MAP1B: variants seen among roughly 807,000 people sequenced by gnomAD.
MAP1B encodes microtubule associated protein 1B.
A neutral mutation model predicts 176.1 loss-of-function variants in MAP1B; 12 were observed. The ratio of observed to expected loss-of-function variants is 0.07; its 90% CI spans 0.04 to 0.11. MAP1B has a LOEUF of 0.11. Among genes scored for constraint, MAP1B ranks in the 10% least tolerant of loss-of-function variants. The probability of loss-of-function intolerance (pLI) is 1.00; values close to 1 mark genes in which losing one functional copy is unlikely to be tolerated. For synonymous variants in MAP1B, 1,044 were observed against 1,135.0 expected (o/e 0.92, Z 1.61); for missense variants, 2,523 against 2,990.5 (o/e 0.84, Z 3.65).
chr5:72,195,804 A>G lies in MAP1B; in HGVS notation c.2449A>G (p.Ile817Val). The G allele has an allele frequency of 6.2e-7, 1 of 1,614,254 alleles. No individual in the cohort carries two copies. The highest frequency in any genetic ancestry group is 8.5e-7 in the Non-Finnish European group (1 of 1,180,042). ...AVMAAAGIAA[I>V]GPAKELEAER... ...CATGGCGGCAGCTGGAATAGCAGCCATTGGCCCTGCCAAAGAACTCGAAGC... is the reference window on the plus strand; with the variant it reads ...CATGGCGGCAGCTGGAATAGCAGCCGTTGGCCCTGCCAAAGAACTCGAAGC... The change falls in exon 5 of 7, where the codon ATT becomes GTT. Residue 817 changes from isoleucine to valine, a missense_variant. Ile to Val is a conservative substitution (Grantham distance 29). Around this residue, in one of 4 missense-constraint regions of MAP1B, gnomAD observed 1,925 missense variants for 2,126.0 expected, o/e 0.91. Transcript: ENST00000296755.
intron 3 of MAP1B, among the ~76,000 whole-genome samples, 171 bp downstream of exon 3, chr5:72,183,996 A>T (rs1442751108): frequency 6.6e-6 from 1 of 152,204 alleles, no homozygotes; most frequent in East Asian, 1.9e-4. Context: ...CTGCATCGGT[A>T]CCATCCAGAC....
At chr5:72,164,196 G>T (rs1746385384) in intron 2 of MAP1B, among the ~76,000 whole-genome samples, 1 of 151,996 alleles carries the variant, frequency 6.6e-6, no homozygotes, top group African/African-American at 2.4e-5. Flanking sequence ...CTCTCAAACT[G>T]CTGGGATTAC....
At chr5:72,129,260 A>T (rs1034180343) in intron 2 of MAP1B, among the ~76,000 whole-genome samples, 9 of 152,204 alleles carry the variant, frequency 5.9e-5, no homozygotes, top group African/African-American at 2.2e-4. Context: ...GCATTAGAAG[A>T]TCCAAGTAAA....
intron 2 of MAP1B, among the ~76,000 whole-genome samples, chr5:72,119,466 A>C (rs1363928233): frequency 6.6e-6 from 1 of 152,248 alleles, no homozygotes; most frequent in Non-Finnish European, 1.5e-5. Context: ...AGGAAAGTTC[A>C]GTAGTTGAGT....
Position 72,197,077 on chromosome 5 carries a change from A to G in MAP1B, c.3722A>G (p.Asp1241Gly). 6.2e-7 allele frequency: 1 copy of G among 1,614,236 alleles called. No homozygotes were observed. The highest frequency in any genetic ancestry group is 8.5e-7 in the Non-Finnish European group (1 of 1,180,046). The change falls in exon 5 of 7, where the codon GAT (aspartate) becomes GGT (glycine). Residue 1241 changes from aspartate to glycine, a missense_variant. This residue lies in a region of MAP1B where 1,925 missense variants were observed against 2,126.0 expected (regional missense o/e 0.91). Transcript: ENST00000296755. ...GCCAGCACCACTTTGGACATCAAAG[A>G]TAGCATCTCAGCTGTTTCAAGTGAA... ...VKASTTLDIK[D>G]SISAVSSEKV... is the part of the protein sequence containing the mutation.
At chr5:72,108,298 C>G (rs986362074) in intron 1 of MAP1B, among the ~76,000 whole-genome samples, 4 of 152,238 alleles carry the variant, frequency 2.6e-5, no homozygotes, top group African/African-American at 7.2e-5. Context: ...CCGCCCCCCC[C>G]TCCCCGGGGA....
rs1197860031 is a variant in MAP1B, at chr5:72,209,483, A to G, written c.*4244A>G. 9.9e-5 allele frequency: 15 copies of G among 152,164 alleles called. No individual in the cohort carries two copies. Among genetic ancestry groups the G allele is most frequent in the Admixed American group, 9.8e-4 (15 of 15,274 alleles). 9.4% of individuals were successfully genotyped at this position (152,164 alleles called of 1,614,324 possible). On this transcript the variant is annotated 3_prime_UTR_variant, in exon 7 of 7. Transcript: ENST00000296755. ...TAGTGCTTTTATGATATTTGTGTGC[A>G]ATATCCCCTCTTCCATTGAGGATAT...
intron 1 of MAP1B, among the ~76,000 whole-genome samples, chr5:72,108,516 G>A (rs1745189824): frequency 1.3e-5 from 2 of 152,234 alleles, no homozygotes; most frequent in South Asian, 4.1e-4. Flanking sequence ...TCAGCTCCTC[G>A]CCCGGTGCTC....
In MAP1B at chr5:72,194,685, A is replaced by G; in HGVS notation, c.1330A>G (p.Thr444Ala). 6.2e-7 allele frequency: 1 copy of G among 1,614,212 alleles called. No individual in the cohort carries two copies. The highest frequency in any genetic ancestry group is 1.1e-5 in the South Asian group (1 of 91,082). ...GTATTTTATGCAGCAGTGGACTGGTACCAACAAAGACAAGGCTGAATTCAT... is the reference window on the plus strand; with the variant it reads ...GTATTTTATGCAGCAGTGGACTGGTGCCAACAAAGACAAGGCTGAATTCAT... ...MQYFMQQWTG[T>A]NKDKAEFILP... The change falls in exon 5 of 7, where the codon ACC (threonine) becomes GCC (alanine). Residue 444 changes from threonine (T) to alanine (A), a missense_variant. Physicochemically the swap from Thr to Ala is moderately conservative, Grantham distance 58. Transcript: ENST00000296755. The surrounding 1 kb of genome is among the most constrained non-coding windows in gnomAD (Gnocchi z 7.2).
rs1325400397 is a variant in MAP1B at position 72,203,717 on chromosome 5, G to A, written c.7167G>A (p.Gly2389=). The change falls in exon 6 of 7, where the codon GGG becomes GGA. Residue 2389 remains glycine, a synonymous_variant. Coordinates refer to ENST00000296755, the MANE Select transcript of MAP1B (RefSeq NM_005909.5). ...GGTCTTCCTACTACGTGGTGAGTGG[G>A]AATGACCCTGCTGCTGAGGAGCCCA... ...RVRSSYYVVS[G]NDPAAEEPSR... is the part of the protein sequence containing the mutation. 7 of 1,613,940 alleles carry A rather than the reference G, an allele frequency of 4.3e-6. No individual in the cohort carries two copies. The highest frequency in any genetic ancestry group is 4.5e-5 in the East Asian group (2 of 44,864).
chr5:72,196,264 G>T lies in MAP1B; in HGVS notation c.2909G>T (p.Ser970Ile), dbSNP rs774134906. ...GTATGTGTGAGCGCCTCCAAGCACAGCCCCACTGAGGATGAGGAAAGTGCC... is the reference window on the plus strand; with the variant it reads ...GTATGTGTGAGCGCCTCCAAGCACATCCCCACTGAGGATGAGGAAAGTGCC... ...EHVCVSASKH[S>I]PTEDEESAKA... Residue 970 changes from serine to isoleucine, a missense_variant, in exon 5 of 7, where the codon AGC (serine) becomes ATC (isoleucine). Coordinates refer to ENST00000296755, the MANE Select transcript of MAP1B (RefSeq NM_005909.5). This position sits in a 1 kb window ranked among gnomAD's most constrained non-coding sequence, Gnocchi z 5.3. 6.2e-7 allele frequency: 1 copy of T among 1,614,016 alleles called. No individual in the cohort carries two copies. Among genetic ancestry groups the T allele is most frequent in the South Asian group, 1.1e-5 (1 of 91,054 alleles).
At position 72,196,529 on chromosome 5, in the gene MAP1B, C is replaced by T. The variant is rs139575190; in HGVS notation, c.3174C>T (p.Ala1058=). Residue 1058 remains alanine, a synonymous_variant, in exon 5 of 7, where the codon GCC becomes GCT. Transcript: ENST00000296755. This position sits in a 1 kb window ranked among gnomAD's most constrained non-coding sequence, Gnocchi z 5.3. The part of the protein sequence containing the change: ...VVDKAAEAGG[A]EEQYGFLTTP... ...ACAAGGCTGCAGAGGCTGGTGGTGC[C>T]GAGGAGCAGTATGGATTCCTCACCA... 94 of 1,613,514 alleles carry T rather than the reference C, an allele frequency of 5.8e-5. No homozygotes were observed. The African/African-American group carries it at 9.8e-4, about 17-fold the overall frequency.
At chr5:72,185,792 T>G (rs1746884279) in intron 3 of MAP1B, among the ~76,000 whole-genome samples, 1 of 152,066 alleles carries the variant, frequency 6.6e-6, no homozygotes, top group Non-Finnish European at 1.5e-5. Flanking sequence ...GGTTCTTGGG[T>G]AAGGGGTCAT....
At chr5:72,123,774 G>A (rs546052118) in intron 2 of MAP1B, among the ~76,000 whole-genome samples, 4 of 152,120 alleles carry the variant, frequency 2.6e-5, no homozygotes, top group Admixed American at 1.3e-4. Context: ...GTGAGCCACC[G>A]CACCCGGCCT....
intron 2 of MAP1B, among the ~76,000 whole-genome samples, chr5:72,178,737 T>C (rs1012125771): frequency 6.7e-6 from 1 of 150,350 alleles, no homozygotes; most frequent in African/African-American, 2.4e-5. Context: ...TGTGTGTGTG[T>C]GTGTGTGTGT....
At chr5:72,184,480 T>C (rs1003874995) in intron 3 of MAP1B, among the ~76,000 whole-genome samples, 1 of 152,266 alleles carries the variant, frequency 6.6e-6, no homozygotes, top group Non-Finnish European at 1.5e-5. Context: ...TGCCAAGTGC[T>C]TAGAACAGAG....
intron 2 of MAP1B, among the ~76,000 whole-genome samples, chr5:72,129,138 T>C (rs1165785778): frequency 6.6e-6 from 1 of 152,204 alleles, no homozygotes; most frequent in African/African-American, 2.4e-5. Context: ...AGAGACAAGG[T>C]TGTCTAGCTA....
At chr5:72,143,046 A>G (rs1745976705) in intron 2 of MAP1B, among the ~76,000 whole-genome samples, 2 of 152,160 alleles carry the variant, frequency 1.3e-5, no homozygotes, top group Admixed American at 6.6e-5. Flanking sequence ...TTCTAATCAT[A>G]GATTCTTCTG....
In MAP1B at chr5:72,195,473, AAAGGAAGTCAAG is replaced by A. The variant is rs956617230; in HGVS notation, c.2127_2138del (p.Val713_Glu716del). The A allele has an allele frequency of 1.3e-6, 2 of 1,589,398 alleles. No individual in the cohort carries two copies. The highest frequency in any genetic ancestry group is 2.2e-5 in the East Asian group (1 of 44,516). On this transcript the variant is annotated inframe_deletion, in exon 5 of 7. Transcript: ENST00000296755. ...AAGAGGTTAAGAAAGAAACACCGCC[AAAGGAAGTCAAG>A]AAGGAAGTTAAGAAGGAAGAGAAGA...
Sources: gnomAD v4.1 joint callset for allele counts (sites outside exome capture counted in the v4.1 genomes callset) on GRCh38, gnomAD v4.1.1 for gene constraint, gnomAD v4.1.1 regional missense constraint, Gnocchi (gnomAD v3.1) non-coding constraint, MANE v1.5 for transcripts, NCBI Gene and HGNC (gene_info 2026-07-23, HGNC 2026-07-21) for gene names.